The following UBXN2B variants were observed in gnomAD, a reference collection of about 807,000 sequenced individuals.
UBXN2B encodes the protein UBX domain-containing protein 2B.
UBXN2B carries 19 observed loss-of-function variants against 37.5 expected under a neutral mutation model. The observed-to-expected ratio is 0.51, with a 90% confidence interval of 0.35 to 0.74. The LOEUF is 0.74. UBXN2B is among the 30% of genes least tolerant of loss of function. UBXN2B has a pLI of 0.01. For synonymous variants in UBXN2B, 145 were observed against 143.8 expected (o/e 1.01, Z -0.06); for missense variants, 370 against 393.2 (o/e 0.94, Z 0.50).
chr8:58,427,209 C>T (rs1474870925), intron 2 of UBXN2B, among the ~76,000 whole-genome samples: 1 of 152,202 alleles, frequency 6.6e-6, no homozygotes, highest in Admixed American at 6.5e-5. Context: ...TGGCTCACGC[C>T]TGTCATCTTA....
intron 2 of UBXN2B, among the ~76,000 whole-genome samples, chr8:58,422,515 G>C (rs1373631865): frequency 2.6e-5 from 4 of 152,238 alleles, no homozygotes; most frequent in Admixed American, 1.3e-4. Context: ...GGCGAAGAGG[G>C]ATGTCTTTGG....
intron 6 of UBXN2B, among the ~76,000 whole-genome samples, chr8:58,444,054 T>G (rs1808615242): frequency 6.6e-6 from 1 of 152,198 alleles, no homozygotes; most frequent in African/African-American, 2.4e-5. Context: ...TACACACATT[T>G]TCTTACCTAG....
intron 2 of UBXN2B, among the ~76,000 whole-genome samples, chr8:58,423,725 G>A (rs533604502): frequency 1.1e-4 from 16 of 149,506 alleles, no homozygotes; most frequent in Admixed American, 7.5e-4. Context: ...GTGAGCCACC[G>A]CGCCCAGCCG....
chr8:58,423,561 A>G (rs1302196495), intron 2 of UBXN2B, among the ~76,000 whole-genome samples: 1 of 151,052 alleles, frequency 6.6e-6, no homozygotes, highest in Non-Finnish European at 1.5e-5. Context: ...TCAGCCTCCC[A>G]AGTAGCTGGG....
chr8:58,426,316 C>T (rs1313091410), intron 2 of UBXN2B: 3 of 491,308 alleles, frequency 6.1e-6, no homozygotes, highest in Non-Finnish European at 1.1e-5. Context: ...ATGCCATTCT[C>T]CTGCCTCAGC....
At chr8:58,443,185 A>C (rs1282444088) in intron 6 of UBXN2B, among the ~76,000 whole-genome samples, 1 of 152,128 alleles carries the variant, frequency 6.6e-6, no homozygotes, top group East Asian at 1.9e-4. Flanking sequence ...TTCCAGCTTC[A>C]TTGAGAAAAT....
chr8:58,435,892 A>G (rs528950200), intron 5 of UBXN2B, among the ~76,000 whole-genome samples: 16 of 152,112 alleles, frequency 1.1e-4, no homozygotes, highest in African/African-American at 3.9e-4. Context: ...TCTCCTTTTT[A>G]TAAGAAATAT....
At chr8:58,446,205 A>G (rs1808663626) in intron 7 of UBXN2B, 137 bp downstream of exon 7, 1 of 919,616 alleles carries the variant, frequency 1.1e-6, no homozygotes, top group African/African-American at 1.7e-5. Flanking sequence ...TTTTGACAGA[A>G]GAAACATTTT....
chr8:58,420,265 G>T (rs1807891341), intron 2 of UBXN2B, among the ~76,000 whole-genome samples: 1 of 152,086 alleles, frequency 6.6e-6, no homozygotes, highest in African/African-American at 2.4e-5. Flanking sequence ...CAAAGCAGTT[G>T]CGCTAACACC....
intron 2 of UBXN2B, among the ~76,000 whole-genome samples, chr8:58,428,122 T>G (rs909271053): frequency 2.6e-5 from 4 of 152,216 alleles, no homozygotes; most frequent in African/African-American, 9.6e-5. Flanking sequence ...CTTTGAGTAT[T>G]CAGTAGCAAA....
intron 5 of UBXN2B, 40 bp downstream of exon 5, chr8:58,434,544 G>A (rs1257518902): frequency 3.6e-6 from 5 of 1,404,518 alleles, no homozygotes; most frequent in Non-Finnish European, 4.8e-6. Flanking sequence ...TATGTAGAGT[G>A]GGACTTATTT....
chr8:58,423,325 C>T (rs2129603886), intron 2 of UBXN2B, among the ~76,000 whole-genome samples: 1 of 152,286 alleles, frequency 6.6e-6, no homozygotes, highest in Middle Eastern at 3.4e-3. Flanking sequence ...ACATCCCAGT[C>T]TCTCCGCCAA....
In UBXN2B at chr8:58,425,913, G is replaced by T; in HGVS notation, c.189-4606G>T. ...TTCTCCCCTTTGTCATCACTGGTGC[G>T]CACAGAGAGAACAAAATCTCCAAGG... On this transcript the variant is annotated intron_variant, in intron 2 of 7. Coordinates refer to ENST00000399598, the MANE Select transcript of UBXN2B (RefSeq NM_001077619.2). 5.7e-6 allele frequency: 7 copies of T among 1,229,524 alleles called. 1 individual carries two copies. The highest frequency in any genetic ancestry group is 2.4e-5 in the South Asian group (2 of 83,322). 76.2% of individuals were successfully genotyped at this position (1,229,524 alleles called of 1,614,324 possible). A position where few individuals can be genotyped will look rare whatever the true frequency, so the allele number is the denominator to read the frequency against.
chr8:58,433,014 C>T (rs948487609), intron 3 of UBXN2B, 146 bp from the exon 4 acceptor site: 8 of 570,478 alleles, frequency 1.4e-5, no homozygotes, highest in African/African-American at 3.8e-5. Context: ...TTAGTCAAGT[C>T]TTATGGTAAT....
chr8:58,420,623 T>G (rs1807901903), intron 2 of UBXN2B, among the ~76,000 whole-genome samples: 1 of 152,208 alleles, frequency 6.6e-6, no homozygotes, highest in African/African-American at 2.4e-5. Context: ...CCATTAGCTT[T>G]TATTAATAAA....
intron 2 of UBXN2B, among the ~76,000 whole-genome samples, chr8:58,422,986 C>T (rs541539577): frequency 6.6e-6 from 1 of 152,178 alleles, no homozygotes; most frequent in Admixed American, 6.5e-5. Flanking sequence ...ATTAACTGCA[C>T]CTCTACTTCA....
chr8:58,419,484 A>G (rs1807869719), intron 2 of UBXN2B, among the ~76,000 whole-genome samples: 1 of 152,206 alleles, frequency 6.6e-6, no homozygotes, highest in Non-Finnish European at 1.5e-5. Flanking sequence ...TACGTAATCT[A>G]CAGAAAGACC....
intron 1 of UBXN2B, among the ~76,000 whole-genome samples, chr8:58,415,949 G>C (rs1298870184): frequency 1.3e-5 from 2 of 151,528 alleles, no homozygotes; most frequent in Admixed American, 6.6e-5. Flanking sequence ...CCAATGCCCT[G>C]TTCTTCTTGG....
chr8:58,428,828 A>G (rs1207161349), intron 2 of UBXN2B, among the ~76,000 whole-genome samples: 2 of 152,234 alleles, frequency 1.3e-5, no homozygotes, highest in Non-Finnish European at 2.9e-5. Flanking sequence ...CTCAAGAATC[A>G]TAGGCAACTT....
Sources: allele counts gnomAD v4.1 joint callset (sites outside exome capture counted in the v4.1 genomes callset), GRCh38; gene constraint gnomAD v4.1.1; transcripts MANE v1.5; gene names NCBI Gene and HGNC (gene_info 2026-07-23, HGNC 2026-07-21).